PTPN12: variants seen among roughly 807,000 people sequenced by gnomAD.
PTPN12 encodes the protein tyrosine-protein phosphatase non-receptor type 12.
PTPN12 carries 29 observed loss-of-function variants against 97.6 expected under a neutral mutation model. That is an observed-to-expected ratio of 0.30 (90% CI 0.22 to 0.41). The LOEUF is 0.41. Among genes scored for constraint, PTPN12 ranks in the 10% least tolerant of loss-of-function variants. The pLI is 1.00. For synonymous variants in PTPN12, 327 were observed against 300.4 expected (o/e 1.09, Z -0.91); for missense variants, 819 against 926.0 (o/e 0.88, Z 1.50).
chr7:77,631,709 A>G (rs998486531), intron 13 of PTPN12, among the ~76,000 whole-genome samples: 12 of 152,242 alleles, frequency 7.9e-5, no homozygotes, highest in African/African-American at 2.7e-4. Flanking sequence ...GCATTCTCAA[A>G]GTACAGCCAT....
chr7:77,617,494 G>A (rs866971915), intron 11 of PTPN12, among the ~76,000 whole-genome samples: 2 of 152,224 alleles, frequency 1.3e-5, no homozygotes, highest in Non-Finnish European at 2.9e-5. Context: ...AGTAATTGAA[G>A]TAACAGTTGG....
chr7:77,582,346 A>G (rs1787549341), intron 3 of PTPN12, among the ~76,000 whole-genome samples: 1 of 151,944 alleles, frequency 6.6e-6, no homozygotes, highest in Non-Finnish European at 1.5e-5. Context: ...TACTTGATTC[A>G]GTTTAAATAA....
intron 1 of PTPN12, among the ~76,000 whole-genome samples, chr7:77,552,968 A>G (rs986348682): frequency 2.0e-5 from 3 of 152,236 alleles, no homozygotes; most frequent in Non-Finnish European, 4.4e-5. Flanking sequence ...AGTTAAATAA[A>G]TAGGAGGGGA....
At chr7:77,575,816 G>A (rs775269654) in intron 2 of PTPN12, among the ~76,000 whole-genome samples, 1 of 152,090 alleles carries the variant, frequency 6.6e-6, no homozygotes, top group African/African-American at 2.4e-5. Flanking sequence ...TAATATAAAT[G>A]TAATCATACA....
In PTPN12 at chr7:77,537,539, G is replaced by T. The variant is rs370746048; in HGVS notation, c.-8G>T. 1 of 1,587,534 alleles carries T rather than the reference G, an allele frequency of 6.3e-7. No homozygotes were observed. ...GGCCAGCGACCGCAGCCGGGGGGAC[G>T]CGGGAGGATGGAGCAAGTGGAGATC... On this transcript the variant is annotated 5_prime_UTR_variant, in exon 1 of 18. Coordinates refer to ENST00000248594, the MANE Select transcript of PTPN12 (RefSeq NM_002835.4).
chr7:77,578,367 TA>T (rs1319864965), intron 2 of PTPN12, among the ~76,000 whole-genome samples: 1 of 152,088 alleles, frequency 6.6e-6, no homozygotes, highest in Non-Finnish European at 1.5e-5. Flanking sequence ...AAATGGCATA[TA>T]AAAAGGGGGA....
At chr7:77,543,672 C>A (rs765226006) in intron 1 of PTPN12, among the ~76,000 whole-genome samples, 4 of 151,992 alleles carry the variant, frequency 2.6e-5, no homozygotes, top group Non-Finnish European at 5.9e-5. Flanking sequence ...GCAGTCACTC[C>A]CCGCCTTCCC....
chr7:77,631,607 A>C (rs1789399340), intron 13 of PTPN12, among the ~76,000 whole-genome samples: 1 of 152,222 alleles, frequency 6.6e-6, no homozygotes, highest in Non-Finnish European at 1.5e-5. Flanking sequence ...AAGCCATAAT[A>C]AAGCTAACCA....
At chr7:77,582,409 G>A (rs974729292) in intron 3 of PTPN12, among the ~76,000 whole-genome samples, 1 of 152,046 alleles carries the variant, frequency 6.6e-6, no homozygotes, top group Non-Finnish European at 1.5e-5. Flanking sequence ...CAAGTGATAT[G>A]ATAGTATAAT....
At chr7:77,610,927 A>T in intron 10 of PTPN12, 21 bp from the exon 11 acceptor site, 1 of 1,586,530 alleles carries the variant, frequency 6.3e-7, no homozygotes, top group Non-Finnish European at 8.5e-7. Context: ...TTTGTTTTTT[A>T]ATCATTTTTC....
At chr7:77,588,800 T>TA (rs1787774597) in intron 5 of PTPN12, among the ~76,000 whole-genome samples, 1 of 152,186 alleles carries the variant, frequency 6.6e-6, no homozygotes, top group Non-Finnish European at 1.5e-5. Context: ...TAAATAGGAA[T>TA]AAAATTGAAC....
chr7:77,585,038 A>C (rs1194619432), intron 4 of PTPN12: 2 of 152,278 alleles, frequency 1.3e-5, no homozygotes, highest in Non-Finnish European at 2.9e-5. Context: ...TGAAATGTTA[A>C]TGATAGAATA....
At chr7:77,565,045 C>T (rs1182103034) in intron 1 of PTPN12, among the ~76,000 whole-genome samples, 5 of 151,960 alleles carry the variant, frequency 3.3e-5, no homozygotes, top group Non-Finnish European at 7.4e-5. Flanking sequence ...CATGAGCCAC[C>T]GCACCCAGCT....
intron 4 of PTPN12, 43 bp downstream of exon 4, chr7:77,583,693 T>A (rs747810226): frequency 1.6e-6 from 2 of 1,237,574 alleles, no homozygotes; most frequent in Non-Finnish European, 2.3e-6. Flanking sequence ...GAAATACTTA[T>A]GTAATAACAT....
In PTPN12 at chr7:77,585,599, C is replaced by T; in HGVS notation, c.420+18C>T. 6.4e-7 allele frequency: 1 copy of T among 1,571,158 alleles called. No homozygotes were observed. Among genetic ancestry groups the T allele is most frequent in the Non-Finnish European group, 8.7e-7 (1 of 1,143,890 alleles). ...TGGGAAGGGTATGTATAATCTATTC[C>T]TCTTACTATTTCATTTTTACGGATA... On this transcript the variant is annotated intron_variant, in intron 5 of 17. Coordinates refer to ENST00000248594, the MANE Select transcript of PTPN12 (RefSeq NM_002835.4).
chr7:77,630,111 T>A (rs1789347077), intron 13 of PTPN12, among the ~76,000 whole-genome samples: 1 of 152,218 alleles, frequency 6.6e-6, no homozygotes, highest in Non-Finnish European at 1.5e-5. Context: ...AACCGAAGAT[T>A]TTCCTGTGTG....
Position 77,625,472 on chromosome 7 carries a change from G to GCTCTCT in PTPN12, c.1026-1187_1026-1182dup, listed in dbSNP as rs775712037. 6.3e-3 allele frequency among the ~76,000 whole-genome samples: 209 copies of GCTCTCT among 33,440 alleles called. 7 individuals are homozygous for GCTCTCT. The highest frequency in any genetic ancestry group is 8.0e-3 in the Non-Finnish European group (159 of 19,960). The allele number at this position is 33,440 out of a possible 152,430, so 21.9% of individuals were successfully genotyped here. A position where few individuals can be genotyped will look rare whatever the true frequency, so the allele number is the denominator to read the frequency against. ...TTTTGCCATATTGCCCAGGCTGCTC[G>GCTCTCT]CTCTCTCTCTCTCTCTCTCTCTCTC... On this transcript the variant is annotated intron_variant, in intron 12 of 17. Transcript: ENST00000248594.
chr7:77,639,121 T>C lies in PTPN12; in HGVS notation c.2282-98T>C, dbSNP rs374993004. On this transcript the variant is annotated intron_variant, in intron 17 of 17. Coordinates refer to ENST00000248594, the MANE Select transcript of PTPN12 (RefSeq NM_002835.4). ...AATTCTAAATTCCCTTGTGGAAATT[T>C]ATTTGTTCCAGAAAATGAGAATGTC... 162 of 989,056 alleles carry C rather than the reference T, an allele frequency of 1.6e-4. 2 individuals carry two copies. In the East Asian group the frequency reaches 3.0e-3, roughly 18 times the overall value. 61.3% of individuals were successfully genotyped at this position (989,056 alleles called of 1,614,324 possible).
chr7:77,560,117 T>C (rs1807931491), intron 1 of PTPN12, among the ~76,000 whole-genome samples: 1 of 152,200 alleles, frequency 6.6e-6, no homozygotes, highest in Non-Finnish European at 1.5e-5. Flanking sequence ...ATAATTGAGT[T>C]TGAAGAGGAA....
Sources: allele counts gnomAD v4.1 joint callset (sites outside exome capture counted in the v4.1 genomes callset), GRCh38; gene constraint gnomAD v4.1.1; transcripts MANE v1.5; gene names NCBI Gene and HGNC (gene_info 2026-07-23, HGNC 2026-07-21).